Variants in SLC26A7 observed in about 807,000 individuals in gnomAD.
SLC26A7 encodes the protein solute carrier family 26 member 7, also known as anion exchange transporter.
SLC26A7 carries 59 observed loss-of-function variants against 82.5 expected under a neutral mutation model. That is an observed-to-expected ratio of 0.72 (90% CI 0.58 to 0.89). SLC26A7 has a LOEUF of 0.89. SLC26A7 is among the 40% of genes least tolerant of loss of function. The pLI, the probability that SLC26A7 is intolerant of heterozygous loss-of-function variation, is 0.00. For synonymous variants in SLC26A7, 271 were observed against 274.3 expected (o/e 0.99, Z 0.12); for missense variants, 820 against 793.0 (o/e 1.03, Z -0.41).
Position 91,393,802 on chromosome 8 carries a change from C to T in SLC26A7, c.1782C>T (p.Tyr594=). 3.7e-6 allele frequency: 6 copies of T among 1,613,524 alleles called. No individual in the cohort carries two copies. Among genetic ancestry groups the T allele is most frequent in the Non-Finnish European group, 5.1e-6 (6 of 1,179,514 alleles). ...TCCTATTTTAATTCTTCCAGGTTTACATGGACTGTAAAGGCAGGAGTGTGG... is the reference window on the plus strand; with the variant it reads ...TCCTATTTTAATTCTTCCAGGTTTATATGGACTGTAAAGGCAGGAGTGTGG... ...YSGVSMLVEV[Y]MDCKGRSVDV... The change falls in exon 17 of 19, where the codon TAC becomes TAT. Residue 594 remains tyrosine (Y), a synonymous_variant. Transcript: ENST00000276609.
chr8:91,286,798 C>T (rs951515307), intron 2 of SLC26A7, among the ~76,000 whole-genome samples: 1 of 152,036 alleles, frequency 6.6e-6, no homozygotes, highest in Non-Finnish European at 1.5e-5. Flanking sequence ...TATGTGTGTG[C>T]ATATGCTCAT....
At chr8:91,388,224 G>C (rs1308982252) in intron 15 of SLC26A7, among the ~76,000 whole-genome samples, 3 of 151,646 alleles carry the variant, frequency 2.0e-5, no homozygotes, top group Admixed American at 2.0e-4. Flanking sequence ...TCCACCTCCC[G>C]GGTTCACGCC....
intron 4 of SLC26A7, among the ~76,000 whole-genome samples, chr8:91,317,217 C>T (rs1427290616): frequency 1.3e-5 from 2 of 151,810 alleles, no homozygotes; most frequent in Non-Finnish European, 2.9e-5. Flanking sequence ...ATTCCTGTCA[C>T]CTTTTGCCCA....
intron 2 of SLC26A7, among the ~76,000 whole-genome samples, chr8:91,226,337 T>C (rs369011881): frequency 3.3e-5 from 5 of 152,286 alleles, no homozygotes; most frequent in South Asian, 4.1e-4. Context: ...GAAGAAAAAC[T>C]AATGAGAGTT....
At chr8:91,296,411 T>C (rs1288975596) in intron 4 of SLC26A7, among the ~76,000 whole-genome samples, 3 of 152,186 alleles carry the variant, frequency 2.0e-5, no homozygotes, top group Non-Finnish European at 4.4e-5. Context: ...AACTGAATTA[T>C]GTGTGCATAA....
intron 2 of SLC26A7, among the ~76,000 whole-genome samples, chr8:91,272,020 T>A (rs535180224): frequency 6.6e-6 from 1 of 151,870 alleles, no homozygotes; most frequent in Non-Finnish European, 1.5e-5. Context: ...AAGAAGCTTT[T>A]GTGCTTAGTA....
At chr8:91,250,166 C>G (rs1469931890) in intron 2 of SLC26A7, among the ~76,000 whole-genome samples, 2 of 152,000 alleles carry the variant, frequency 1.3e-5, no homozygotes, top group African/African-American at 4.8e-5. Flanking sequence ...ATATAGTTGC[C>G]TACTTTCACT....
intron 15 of SLC26A7, among the ~76,000 whole-genome samples, chr8:91,380,205 C>T (rs186763503): frequency 7.9e-5 from 12 of 152,168 alleles, no homozygotes; most frequent in African/African-American, 2.9e-4. Context: ...GTAGTATAAA[C>T]TCTTACAAGT....
chr8:91,298,780 A>G (rs1812083953), intron 4 of SLC26A7, among the ~76,000 whole-genome samples: 1 of 152,170 alleles, frequency 6.6e-6, no homozygotes, highest in South Asian at 2.1e-4. Flanking sequence ...TAATGCTGCT[A>G]TGTATGTGTA....
chr8:91,287,922 T>C (rs1417055239), intron 2 of SLC26A7, among the ~76,000 whole-genome samples: 1 of 152,158 alleles, frequency 6.6e-6, no homozygotes, highest in Non-Finnish European at 1.5e-5. Context: ...CACTGACTCT[T>C]CTATAATCAC....
intron 1 of SLC26A7, among the ~76,000 whole-genome samples, chr8:91,211,245 G>A (rs927337353): frequency 3.3e-5 from 5 of 151,714 alleles, no homozygotes; most frequent in East Asian, 1.9e-4. Context: ...GGATTCTAGC[G>A]TTATTAAAAT....
chr8:91,348,209 T>C (rs1813618981), intron 9 of SLC26A7: 4 of 473,894 alleles, frequency 8.4e-6, no homozygotes, highest in Non-Finnish European at 1.1e-5. Context: ...AAAACCTTCT[T>C]AATCTAGCTT....
At chr8:91,359,275 A>G (rs971051649) in intron 11 of SLC26A7, among the ~76,000 whole-genome samples, 3 of 152,218 alleles carry the variant, frequency 2.0e-5, no homozygotes, top group Admixed American at 6.5e-5. Flanking sequence ...AGAACTTGTG[A>G]AATGATTGGA....
At chr8:91,220,390 A>C (rs1810140492) in intron 2 of SLC26A7, among the ~76,000 whole-genome samples, 1 of 147,580 alleles carries the variant, frequency 6.8e-6, no homozygotes, top group South Asian at 2.1e-4. Context: ...ATTTCTTCTA[A>C]AAAAAAAAAA....
chr8:91,336,516 C>T (rs1356283179), intron 6 of SLC26A7, among the ~76,000 whole-genome samples: 1 of 152,070 alleles, frequency 6.6e-6, no homozygotes, highest in African/African-American at 2.4e-5. Context: ...CATCTCCCCC[C>T]TCCTCCCCCA....
intron 11 of SLC26A7, among the ~76,000 whole-genome samples, chr8:91,353,776 C>T (rs999438369): frequency 6.6e-6 from 1 of 151,986 alleles, no homozygotes; most frequent in African/African-American, 2.4e-5. Flanking sequence ...TTGTAATATT[C>T]CTCCTGGGGC....
At chr8:91,291,051 A>G (rs764476251) in intron 3 of SLC26A7, among the ~76,000 whole-genome samples, 2 of 152,086 alleles carry the variant, frequency 1.3e-5, no homozygotes, top group African/African-American at 2.4e-5. Context: ...TAGTATATAT[A>G]TGTGTTTATA....
In SLC26A7 at chr8:91,256,171, T is replaced by A. The variant is rs190583706; in HGVS notation, c.193+6327T>A. Among the ~76,000 whole-genome samples, 12 of 152,264 alleles carry A rather than the reference T, an allele frequency of 7.9e-5. No individual in the cohort carries two copies. In the East Asian group the frequency reaches 1.5e-3, roughly 20 times the overall value. On this transcript the variant is annotated intron_variant, in intron 2 of 18. Transcript: ENST00000276609. ...AATGCTAATACAAGGGTTCCATATC[T>A]AGCAACGAAACCAGATTTTCTGGAA... is the stretch of plus-strand genomic sequence containing the variant.
At chr8:91,369,306 G>A (rs1814287071) in intron 14 of SLC26A7, among the ~76,000 whole-genome samples, 1 of 151,344 alleles carries the variant, frequency 6.6e-6, no homozygotes, top group African/African-American at 2.4e-5. Context: ...TTGAGAAATA[G>A]CAGATGATCT....
Sources: gnomAD v4.1 joint callset for allele counts (sites outside exome capture counted in the v4.1 genomes callset) on GRCh38, gnomAD v4.1.1 for gene constraint, MANE v1.5 for transcripts, NCBI Gene and HGNC (gene_info 2026-07-23, HGNC 2026-07-21) for gene names.